Variants in PCDHGA3 observed in about 807,000 individuals in gnomAD.
PCDHGA3 encodes the protein protocadherin gamma-A3.
Under a neutral mutation model 58.5 loss-of-function variants are expected in PCDHGA3, and 40 were observed. That is an observed-to-expected ratio of 0.68 (90% CI 0.53 to 0.89). The LOEUF is 0.89. Ranked by LOEUF, PCDHGA3 falls within the 40% of genes least tolerant of loss-of-function variation. PCDHGA3 has a pLI of 0.00. For synonymous variants in PCDHGA3, 530 were observed against 525.7 expected (o/e 1.01, Z -0.11); for missense variants, 1,223 against 1,195.9 (o/e 1.02, Z -0.33).
intron 1 of PCDHGA3, chr5:141,393,367 G>C: frequency 1.2e-6 from 2 of 1,613,962 alleles, no homozygotes; most frequent in Middle Eastern, 1.6e-4. Context: ...GTGCAGACTG[G>C]AGACAATGGA....
intron 1 of PCDHGA3, chr5:141,410,798 T>C: frequency 1.4e-6 from 1 of 712,186 alleles, no homozygotes; most frequent in Non-Finnish European, 2.1e-6. Flanking sequence ...CATAAGTTGC[T>C]CTATCTTTTT....
chr5:141,401,235 A>G (rs1444346000), intron 1 of PCDHGA3, among the ~76,000 whole-genome samples: 1 of 152,120 alleles, frequency 6.6e-6, no homozygotes, highest in East Asian at 1.9e-4. Context: ...CCAGCTACTC[A>G]GGAGGCTAAG....
rs372054375 is a variant in PCDHGA3, at chr5:141,490,825, A to T, written c.2425-3982A>T. 9 of 1,613,692 alleles carry T rather than the reference A, an allele frequency of 5.6e-6. No individual in the cohort carries two copies. The highest frequency in any genetic ancestry group is 3.3e-4 in the Middle Eastern group (2 of 6,062). On this transcript the variant is annotated intron_variant, in intron 1 of 3. Transcript: ENST00000253812. This position sits in a 1 kb window ranked among gnomAD's most constrained non-coding sequence, Gnocchi z 5.4. ...TACCTTTGACTATGAATTGCTGCAG[A>T]TGCTGCAGATTGTGGTGGGGGTTCG... is the stretch of plus-strand genomic sequence containing the variant.
chr5:141,443,618 G>A (rs901899343), intron 1 of PCDHGA3, among the ~76,000 whole-genome samples: 2 of 152,178 alleles, frequency 1.3e-5, no homozygotes, highest in Non-Finnish European at 2.9e-5. Context: ...TTATAATCAG[G>A]TGATTGTAAA....
chr5:141,350,262 T>A, intron 1 of PCDHGA3: 12 of 1,510,436 alleles, frequency 7.9e-6, no homozygotes, highest in Non-Finnish European at 1.1e-5. Flanking sequence ...GTTCCTGAAA[T>A]GCAGAGAGCC....
At chr5:141,398,740 C>G in intron 1 of PCDHGA3, 2 of 1,613,864 alleles carry the variant, frequency 1.2e-6, no homozygotes, top group Non-Finnish European at 1.7e-6. Context: ...CCGGGAACAA[C>G]AGAGTTACCA....
Position 141,489,653 on chromosome 5 carries a change from G to C in PCDHGA3, c.2425-5154G>C. ...TCTCCTAGCTTTGCCACCCCTGAGCGAGAGATGCGCATCTCAGAATCAGCA... is the reference window on the plus strand; with the variant it reads ...TCTCCTAGCTTTGCCACCCCTGAGCCAGAGATGCGCATCTCAGAATCAGCA... On this transcript the variant is annotated intron_variant, in intron 1 of 3. Coordinates refer to ENST00000253812, the MANE Select transcript of PCDHGA3 (RefSeq NM_018916.4). The surrounding 1 kb of genome is among the most constrained non-coding windows in gnomAD (Gnocchi z 4.5). 3 of 1,614,164 alleles carry C rather than the reference G, an allele frequency of 1.9e-6. No individual in the cohort carries two copies. The highest frequency in any genetic ancestry group is 2.5e-6 in the Non-Finnish European group (3 of 1,180,018).
Position 141,489,417 on chromosome 5 carries a change from G to A in PCDHGA3, c.2425-5390G>A, listed in dbSNP as rs1020232739. On this transcript the variant is annotated intron_variant, in intron 1 of 3. Coordinates refer to ENST00000253812, the MANE Select transcript of PCDHGA3 (RefSeq NM_018916.4). This position sits in a 1 kb window ranked among gnomAD's most constrained non-coding sequence, Gnocchi z 4.5. ...ATCTGGGCTTAAAGATGACAGATCT[G>A]TTGAGCCGGCGGCTGCAATTGGGCT... The A allele has an allele frequency of 1.2e-6, 2 of 1,614,172 alleles. No individual in the cohort carries two copies. The highest frequency in any genetic ancestry group is 3.3e-5 in the Admixed American group (2 of 60,030).
At chr5:141,375,357 C>T in intron 1 of PCDHGA3, 3 of 1,613,858 alleles carry the variant, frequency 1.9e-6, no homozygotes, top group African/African-American at 1.3e-5. Flanking sequence ...GTGACAGCCA[C>T]GGACAAAGGA....
Position 141,487,687 on chromosome 5 carries a change from A to G in PCDHGA3, c.2425-7120A>G, listed in dbSNP as rs750431854. ...CAGGCATATGGCTAGGCCATGTCCTAGAGAGTACTGGCCTCTCAGTAAGTG... is the reference window on the plus strand; with the variant it reads ...CAGGCATATGGCTAGGCCATGTCCTGGAGAGTACTGGCCTCTCAGTAAGTG... On this transcript the variant is annotated intron_variant, in intron 1 of 3. Transcript: ENST00000253812. This position sits in a 1 kb window ranked among gnomAD's most constrained non-coding sequence, Gnocchi z 5.0. The G allele has an allele frequency of 1.9e-6, 3 of 1,606,256 alleles. No individual in the cohort carries two copies. The highest frequency in any genetic ancestry group is 3.4e-5 in the Admixed American group (2 of 58,832).
At chr5:141,414,945 C>G in intron 1 of PCDHGA3, 2 of 1,614,098 alleles carry the variant, frequency 1.2e-6, no homozygotes, top group Non-Finnish European at 8.5e-7. Flanking sequence ...AGCCCGGCTA[C>G]CTGGTGACCA....
chr5:141,395,483 AT>A lies in PCDHGA3; in HGVS notation c.2424+49028del, dbSNP rs2093238640. ...TTAAGCCTTCCAGTATTTTATTCCT[AT>A]TATCACTCATTCACTTAAGAAGTAG... On this transcript the variant is annotated intron_variant, in intron 1 of 3. Transcript: ENST00000253812. The A allele has an allele frequency of 5.8e-6, 3 of 512,838 alleles. No individual in the cohort carries two copies. The South Asian group carries it at 8.4e-5, about 14-fold the overall frequency. The allele number at this position is 512,838 out of a possible 1,614,324, so 31.8% of individuals were successfully genotyped here.
At chr5:141,398,375 A>C in intron 1 of PCDHGA3, 2 of 1,437,542 alleles carry the variant, frequency 1.4e-6, no homozygotes, top group East Asian at 4.7e-5. Flanking sequence ...GAGAGCGGGG[A>C]GTTGCTTGTG....
chr5:141,352,842 G>A (rs1054767492), intron 1 of PCDHGA3: 4 of 697,160 alleles, frequency 5.7e-6, no homozygotes, highest in Non-Finnish European at 9.4e-6. Flanking sequence ...ACAAAAATTA[G>A]TTGGGTGTGG....
rs753503057 is a variant in PCDHGA3 at position 141,400,154 on chromosome 5, T to A, written c.2424+53697T>A. 8 of 1,614,074 alleles carry A rather than the reference T, an allele frequency of 5.0e-6. 1 individual carries two copies. In the South Asian group the frequency reaches 6.6e-5, roughly 13 times the overall value. On this transcript the variant is annotated intron_variant, in intron 1 of 3. Coordinates refer to ENST00000253812, the MANE Select transcript of PCDHGA3 (RefSeq NM_018916.4). ...CTGCCGGATATCACTGACCGCCCTG[T>A]ACCCTCTGACCCCCAGGCTGAGCTG...
chr5:141,393,057 G>A lies in PCDHGA3; in HGVS notation c.2424+46600G>A, dbSNP rs1273747847. On this transcript the variant is annotated intron_variant, in intron 1 of 3. Transcript: ENST00000253812. ...GCTCTTTGCTCTGAACCCGCGCAGC[G>A]GCAGCTTGATCACCGCGGGCAGGAT... 6 of 1,613,514 alleles carry A rather than the reference G, an allele frequency of 3.7e-6. No homozygotes were observed. The African/African-American group carries it at 4.0e-5, about 11-fold the overall frequency.
At chr5:141,357,680 A>C (rs913716274) in intron 1 of PCDHGA3, 1 of 1,580,070 alleles carries the variant, frequency 6.3e-7, no homozygotes, top group Admixed American at 1.8e-5. Flanking sequence ...AGTTGTGTAA[A>C]TGTCTCTCAT....
chr5:141,383,187 C>A (rs572411306), intron 1 of PCDHGA3: 2 of 1,614,076 alleles, frequency 1.2e-6, no homozygotes, highest in Non-Finnish European at 1.7e-6. Context: ...AAGAGATCTG[C>A]GCTCAGAGTG....
chr5:141,487,499 G>A lies in PCDHGA3; in HGVS notation c.2425-7308G>A, dbSNP rs2099647158. On this transcript the variant is annotated intron_variant, in intron 1 of 3. Transcript: ENST00000253812. This position sits in a 1 kb window ranked among gnomAD's most constrained non-coding sequence, Gnocchi z 5.0. ...CCACTCTCATGGCTGTACACCCTTGGCTTCTGCACCCACTCGGAGTGATAG... is the reference window on the plus strand; with the variant it reads ...CCACTCTCATGGCTGTACACCCTTGACTTCTGCACCCACTCGGAGTGATAG... The A allele has an allele frequency of 3.1e-6, 5 of 1,614,152 alleles. No homozygotes were observed. The highest frequency in any genetic ancestry group is 2.2e-5 in the East Asian group (1 of 44,852).
Sources: gnomAD v4.1 joint callset for allele counts (sites outside exome capture counted in the v4.1 genomes callset) on GRCh38, gnomAD v4.1.1 for gene constraint, Gnocchi (gnomAD v3.1) non-coding constraint, MANE v1.5 for transcripts, NCBI Gene and HGNC (gene_info 2026-07-23, HGNC 2026-07-21) for gene names.